Variants in GLG1 observed in about 807,000 individuals in gnomAD.
GLG1 encodes the protein golgi glycoprotein 1, also known as Golgi apparatus protein 1.
In GLG1, 38 loss-of-function variants were observed where a neutral mutation model predicts 160.5. The ratio of observed to expected loss-of-function variants is 0.24; its 90% CI spans 0.18 to 0.31. The LOEUF (loss-of-function observed/expected upper bound fraction) is 0.31. GLG1 is among the 10% of genes least tolerant of loss of function. GLG1 has a pLI of 1.00. For missense variants in GLG1, 1,373 were observed against 1,505.2 expected, an observed-to-expected ratio of 0.91 and a Z score of 1.45; for synonymous variants, 644 against 543.4, an observed-to-expected ratio of 1.19 and a Z score of -2.57.
chr16:74,548,441 T>C (rs1373572643), intron 1 of GLG1, among the ~76,000 whole-genome samples: 2 of 152,220 alleles, frequency 1.3e-5, no homozygotes, highest in African/African-American at 4.8e-5. Context: ...CACTTATATT[T>C]AAGAAAGTTC....
At chr16:74,540,815 T>C (rs1651633027) in intron 1 of GLG1, among the ~76,000 whole-genome samples, 1 of 152,136 alleles carries the variant, frequency 6.6e-6, no homozygotes, top group Non-Finnish European at 1.5e-5. Flanking sequence ...GACAGGTTTA[T>C]CCCTTTGGCT....
chr16:74,531,951 C>T (rs2017547463), intron 2 of GLG1, among the ~76,000 whole-genome samples, 170 bp downstream of exon 2: 1 of 152,080 alleles, frequency 6.6e-6, no homozygotes, highest in Non-Finnish European at 1.5e-5. Context: ...CAGGCTTCTA[C>T]AATGAAGGGT....
intron 1 of GLG1, among the ~76,000 whole-genome samples, chr16:74,538,728 AT>A (rs58959074): frequency 0.022 from 2,831 of 131,136 alleles, 40 homozygotes; most frequent in Non-Finnish European, 0.03. Flanking sequence ...AGATTTTGAG[AT>A]TTTTTTTTTT....
At chr16:74,525,683 A>G (rs2017311449) in intron 2 of GLG1, among the ~76,000 whole-genome samples, 1 of 149,990 alleles carries the variant, frequency 6.7e-6, no homozygotes, top group Non-Finnish European at 1.5e-5. Flanking sequence ...TGCCTATTCA[A>G]ATCCATTGCC....
chr16:74,455,025 G>A (rs2014478951), intron 25 of GLG1, among the ~76,000 whole-genome samples: 1 of 152,092 alleles, frequency 6.6e-6, no homozygotes, highest in Non-Finnish European at 1.5e-5. Flanking sequence ...CCAGGAGTTC[G>A]AGGCTGCAGT....
intron 2 of GLG1, 25 bp from the exon 3 acceptor site, chr16:74,508,950 A>G (rs753247737): frequency 3.6e-5 from 33 of 921,138 alleles, no homozygotes; most frequent in Non-Finnish European, 5.6e-5. Context: ...AAAAAAAAAA[A>G]CAAAGAAAAA....
intron 1 of GLG1, among the ~76,000 whole-genome samples, chr16:74,565,215 G>A (rs376328798): frequency 5.8e-4 from 88 of 152,148 alleles, no homozygotes; most frequent in African/African-American, 2.1e-3. Context: ...TATAATCCCA[G>A]GTACTTGGGA....
At chr16:74,462,232 G>GA (rs2014828411) in intron 21 of GLG1, 37 bp from the exon 22 acceptor site, 15 of 1,061,636 alleles carry the variant, frequency 1.4e-5, no homozygotes, top group Non-Finnish European at 2.1e-5. Flanking sequence ...GGGCTGATCA[G>GA]AAAACGAAGC....
chr16:74,498,622 T>C (rs1476378001), intron 4 of GLG1, among the ~76,000 whole-genome samples: 2 of 149,546 alleles, frequency 1.3e-5, no homozygotes, highest in South Asian at 2.1e-4. Flanking sequence ...CCCAGCACTT[T>C]GGGAGGCCGA....
intron 16 of GLG1, 88 bp downstream of exon 16, chr16:74,469,897 C>A: frequency 1.2e-6 from 1 of 858,272 alleles, no homozygotes; most frequent in South Asian, 1.3e-5. Context: ...CACGAGGCAG[C>A]AGGAGGGCTG....
chr16:74,477,730 T>G (rs1269552546), intron 11 of GLG1, among the ~76,000 whole-genome samples, 197 bp from the exon 12 acceptor site: 1 of 152,082 alleles, frequency 6.6e-6, no homozygotes, highest in Non-Finnish European at 1.5e-5. Flanking sequence ...TCCCAGCACT[T>G]TGGGAGGTCG....
rs542157698 is a variant in GLG1 at position 74,457,590 on chromosome 16, C to T, written c.3265+284G>A. 5.9e-5 allele frequency among the ~76,000 whole-genome samples: 9 copies of T among 152,266 alleles called. No individual in the cohort carries two copies. The East Asian group carries it at 1.5e-3, about 26-fold the overall frequency. On this transcript the variant is annotated intron_variant, in intron 24 of 25. Transcript: ENST00000422840. ...ACCAGGAAAAGGACCATGATGATGA[C>T]TTTAACTTCTGCTTCCCTAATAAAT...
chr16:74,540,548 CG>C (rs1284085451), intron 1 of GLG1, among the ~76,000 whole-genome samples: 1 of 151,422 alleles, frequency 6.6e-6, no homozygotes. Context: ...ATTTAAGAAA[CG>C]TAAGGATTGT....
intron 1 of GLG1, among the ~76,000 whole-genome samples, chr16:74,564,749 G>A (rs2018603172): frequency 6.6e-6 from 1 of 152,184 alleles, no homozygotes; most frequent in Non-Finnish European, 1.5e-5. Context: ...GCATCAATAG[G>A]CTAGACCAGA....
At chr16:74,496,762 C>G in intron 4 of GLG1, 118 bp from the exon 5 acceptor site, 1 of 679,442 alleles carries the variant, frequency 1.5e-6, no homozygotes, top group Non-Finnish European at 2.6e-6. Flanking sequence ...TAATAAAACC[C>G]CATCATAGAG....
At chr16:74,548,044 C>T (rs370442436) in intron 1 of GLG1, among the ~76,000 whole-genome samples, 8 of 152,234 alleles carry the variant, frequency 5.3e-5, no homozygotes, top group African/African-American at 1.9e-4. Context: ...ATTCTCCTGC[C>T]TCAGCCTCCC....
intron 9 of GLG1, 61 bp from the exon 10 acceptor site, chr16:74,483,185 T>C (rs1032962746): frequency 2.1e-5 from 20 of 957,112 alleles, no homozygotes; most frequent in African/African-American, 8.1e-5. Context: ...TATGTCAATA[T>C]AGTATTTCCC....
At chr16:74,563,959 T>C (rs1292394268) in intron 1 of GLG1, among the ~76,000 whole-genome samples, 2 of 152,144 alleles carry the variant, frequency 1.3e-5, no homozygotes, top group Non-Finnish European at 2.9e-5. Flanking sequence ...GTTTTTGCTC[T>C]GTCACCCAGG....
intron 10 of GLG1, among the ~76,000 whole-genome samples, chr16:74,482,749 C>G (rs763406437): frequency 3.3e-5 from 5 of 152,190 alleles, no homozygotes; most frequent in Non-Finnish European, 5.9e-5. Context: ...TCTTACTAGA[C>G]AGATCTTTGT....
Sources: allele counts gnomAD v4.1 joint callset (sites outside exome capture counted in the v4.1 genomes callset), GRCh38; gene constraint gnomAD v4.1.1; transcripts MANE v1.5; gene names NCBI Gene and HGNC (gene_info 2026-07-23, HGNC 2026-07-21).